KPNA6: variants seen among roughly 807,000 people sequenced by gnomAD.
KPNA6 encodes the protein importin subunit alpha-7.
In KPNA6, 9 loss-of-function variants were observed where a neutral mutation model predicts 72.0. The observed-to-expected ratio is 0.13, with a 90% CI of 0.08 to 0.22. KPNA6 has a LOEUF of 0.22. KPNA6 is among the 10% of genes least tolerant of loss of function. KPNA6 has a pLI of 1.00. For synonymous variants in KPNA6, 219 were observed against 242.1 expected (o/e 0.90, Z 0.89); for missense variants, 374 against 655.7 (o/e 0.57, Z 4.69).
intron 1 of KPNA6, among the ~76,000 whole-genome samples, chr1:32,139,682 A>G (rs1185010340): frequency 1.3e-5 from 2 of 152,322 alleles, no homozygotes; most frequent in Non-Finnish European, 2.9e-5. Flanking sequence ...AGGAGGATGG[A>G]CATTATAGAT....
At chr1:32,152,439 A>G (rs901338928) in intron 1 of KPNA6, among the ~76,000 whole-genome samples, 2 of 152,254 alleles carry the variant, frequency 1.3e-5, no homozygotes, top group Admixed American at 6.5e-5. Context: ...TCAAGCACAC[A>G]TGGGACACTT....
At chr1:32,110,399 G>A (rs1641226380) in intron 1 of KPNA6, among the ~76,000 whole-genome samples, 1 of 152,138 alleles carries the variant, frequency 6.6e-6, no homozygotes, top group Non-Finnish European at 1.5e-5. Context: ...AGATTCTAAG[G>A]AAGCAGAAAT....
intron 1 of KPNA6, among the ~76,000 whole-genome samples, chr1:32,153,743 A>G (rs770560538): frequency 7.2e-5 from 11 of 152,224 alleles, no homozygotes; most frequent in Non-Finnish European, 1.5e-4. Context: ...TAGATTGTCA[A>G]AAGTATTGGT....
At chr1:32,146,500 G>A (rs1274144323) in intron 1 of KPNA6, among the ~76,000 whole-genome samples, 1 of 151,774 alleles carries the variant, frequency 6.6e-6, no homozygotes, top group African/African-American at 2.4e-5. Flanking sequence ...ATATTTCCTA[G>A]TGAACACCAT....
At chr1:32,119,692 A>G (rs1465385047) in intron 1 of KPNA6, among the ~76,000 whole-genome samples, 64 of 151,426 alleles carry the variant, frequency 4.2e-4, no homozygotes, top group Admixed American at 4.2e-3. Flanking sequence ...AGTGTTGTTG[A>G]TTTCGCATCC....
intron 1 of KPNA6, chr1:32,142,812 A>C (rs1046821680): frequency 5.1e-5 from 23 of 452,790 alleles, no homozygotes; most frequent in African/African-American, 3.3e-4. Flanking sequence ...GAGATTCCAG[A>C]TGTGCTTGTG....
intron 1 of KPNA6, among the ~76,000 whole-genome samples, chr1:32,153,291 C>T (rs1409010837): frequency 2.6e-5 from 4 of 151,978 alleles, no homozygotes; most frequent in African/African-American, 7.2e-5. Context: ...ACAGGCCAGG[C>T]GCAGTGGCTC....
chr1:32,144,367 T>C (rs1641894721), intron 1 of KPNA6, among the ~76,000 whole-genome samples: 1 of 152,372 alleles, frequency 6.6e-6, no homozygotes, highest in Admixed American at 6.5e-5. Context: ...ATTGTTTTTA[T>C]CTGGAAATTT....
chr1:32,150,099 A>G (rs1390058541), intron 1 of KPNA6, among the ~76,000 whole-genome samples: 1 of 143,418 alleles, frequency 7.0e-6, no homozygotes, highest in Non-Finnish European at 1.5e-5. Context: ...TTTAGGGTTA[A>G]TGGGATTAGA....
intron 10 of KPNA6, among the ~76,000 whole-genome samples, chr1:32,164,210 G>A (rs563482940): frequency 6.6e-6 from 1 of 152,190 alleles, no homozygotes; most frequent in Non-Finnish European, 1.5e-5. Flanking sequence ...TTTAAAATTC[G>A]TTCATGTTGT....
intron 1 of KPNA6, among the ~76,000 whole-genome samples, chr1:32,150,243 C>A (rs1346445285): frequency 6.7e-6 from 1 of 149,688 alleles, no homozygotes; most frequent in African/African-American, 2.5e-5. Flanking sequence ...AGTGATTCTC[C>A]TTCCTCAGCC....
chr1:32,124,534 T>C (rs1641497869), intron 1 of KPNA6, among the ~76,000 whole-genome samples: 2 of 146,692 alleles, frequency 1.4e-5, no homozygotes, highest in Admixed American at 1.4e-4. Flanking sequence ...TCCAACAGTC[T>C]CTCGCTCTGT....
At chr1:32,119,743 ATTTT>A (rs4012180) in intron 1 of KPNA6, among the ~76,000 whole-genome samples, 9 of 124,546 alleles carry the variant, frequency 7.2e-5, no homozygotes, top group African/African-American at 1.5e-4. Flanking sequence ...GAAATCTGGA[ATTTT>A]TTTTTTTTTT....
intron 1 of KPNA6, among the ~76,000 whole-genome samples, chr1:32,120,432 G>C (rs568656075): frequency 3.3e-5 from 5 of 150,688 alleles, no homozygotes; most frequent in African/African-American, 1.2e-4. Context: ...ATTTTTAGTA[G>C]AGGCGGGGTT....
intron 1 of KPNA6, among the ~76,000 whole-genome samples, chr1:32,126,454 G>C (rs918406162): frequency 2.0e-5 from 3 of 152,064 alleles, no homozygotes; most frequent in African/African-American, 7.2e-5. Flanking sequence ...GTGCGATCTT[G>C]GCTCACTGCA....
rs188356871 is a variant in KPNA6, at chr1:32,162,914, C to T, written c.912-321C>T. ...GGTCAGGAGATCAAGACCATCCTGG[C>T]TAACACGGTGAAACCCCGTCTCTAC... On this transcript the variant is annotated intron_variant, in intron 9 of 13. Coordinates refer to ENST00000373625, the MANE Select transcript of KPNA6 (RefSeq NM_012316.5). Among the ~76,000 whole-genome samples, 245 of 151,594 alleles carry T rather than the reference C, an allele frequency of 1.6e-3. 1 individual carries two copies. Among genetic ancestry groups the T allele is most frequent in the Middle Eastern group, 3.4e-3 (1 of 292 alleles).
At chr1:32,137,231 C>T (rs1231646651) in intron 1 of KPNA6, among the ~76,000 whole-genome samples, 1 of 152,182 alleles carries the variant, frequency 6.6e-6, no homozygotes, top group Non-Finnish European at 1.5e-5. Flanking sequence ...AGCTGGAGCA[C>T]TGTGATACCA....
intron 1 of KPNA6, among the ~76,000 whole-genome samples, chr1:32,144,660 T>C (rs1641899867): frequency 6.6e-6 from 1 of 152,166 alleles, no homozygotes; most frequent in African/African-American, 2.4e-5. Flanking sequence ...TTAAAACTTT[T>C]TTTTTTTTGA....
At chr1:32,117,867 GC>G (rs1364719156) in intron 1 of KPNA6, among the ~76,000 whole-genome samples, 1 of 152,032 alleles carries the variant, frequency 6.6e-6, no homozygotes, top group African/African-American at 2.4e-5. Context: ...TCCTGAAGTA[GC>G]TAAAGCAATC....
Sources: gnomAD v4.1 joint callset for allele counts (sites outside exome capture counted in the v4.1 genomes callset) on GRCh38, gnomAD v4.1.1 for gene constraint, MANE v1.5 for transcripts, NCBI Gene and HGNC (gene_info 2026-07-23, HGNC 2026-07-21) for gene names.